Variants in B3GALT1 observed in about 807,000 individuals in gnomAD.
B3GALT1 encodes the protein beta-1,3-galactosyltransferase 1, also known as UDP-Gal:betaGlcNAc beta 1,3-galactosyltransferase, polypeptide 1.
Under a neutral mutation model 23.2 loss-of-function variants are expected in B3GALT1, and 10 were observed. The observed-to-expected ratio is 0.43, with a 90% CI of 0.27 to 0.73. The LOEUF is 0.73. B3GALT1 is among the 30% of genes least tolerant of loss of function. B3GALT1 has a pLI of 0.21. For synonymous variants in B3GALT1, 156 were observed against 141.5 expected, an observed-to-expected ratio of 1.10 and a Z score of -0.73; for missense variants, 299 against 405.4, an observed-to-expected ratio of 0.74 and a Z score of 2.25.
At chr2:167,762,762 G>A (rs904846648) in intron 3 of B3GALT1, among the ~76,000 whole-genome samples, 4 of 152,114 alleles carry the variant, frequency 2.6e-5, no homozygotes, top group African/African-American at 9.7e-5. Flanking sequence ...GGCTGGAGAG[G>A]AATTTGAATT....
chr2:167,507,161 A>T (rs1699931528), intron 2 of B3GALT1, among the ~76,000 whole-genome samples: 1 of 152,230 alleles, frequency 6.6e-6, no homozygotes, highest in Non-Finnish European at 1.5e-5. Context: ...GAACAGAAAG[A>T]TGAGTGGAAT....
intron 1 of B3GALT1, among the ~76,000 whole-genome samples, chr2:167,410,727 T>C (rs1698377767): frequency 6.6e-6 from 1 of 151,986 alleles, no homozygotes; most frequent in Non-Finnish European, 1.5e-5. Context: ...TCTGCACGTG[T>C]ATCCCAGAAC....
chr2:167,873,349 C>T lies in B3GALT1; in HGVS notation c.*3329C>T, dbSNP rs991861116. 3.3e-5 allele frequency: 5 copies of T among 151,968 alleles called. No homozygotes were observed. The highest frequency in any genetic ancestry group is 1.2e-4 in the African/African-American group (5 of 41,370). 9.4% of individuals were successfully genotyped at this position (151,968 alleles called of 1,614,324 possible). A position where few individuals can be genotyped will look rare whatever the true frequency, so the allele number is the denominator to read the frequency against. On this transcript the variant is annotated 3_prime_UTR_variant, in exon 5 of 5. Coordinates refer to ENST00000392690, the MANE Select transcript of B3GALT1 (RefSeq NM_020981.4). Reference sequence around the variant, plus strand: ...TATGTAATATTGTATTTTTAAATAACCAGAATCAACAAAGCGAAGATCACT... The same window carrying T: ...TATGTAATATTGTATTTTTAAATAATCAGAATCAACAAAGCGAAGATCACT...
At chr2:167,752,934 G>T (rs1309829602) in intron 3 of B3GALT1, among the ~76,000 whole-genome samples, 1 of 152,154 alleles carries the variant, frequency 6.6e-6, no homozygotes, top group Non-Finnish European at 1.5e-5. Context: ...CATTGTGCTT[G>T]GTTCCTTCAG....
At chr2:167,659,249 G>C (rs902638581) in intron 3 of B3GALT1, among the ~76,000 whole-genome samples, 2 of 149,372 alleles carry the variant, frequency 1.3e-5, no homozygotes, top group Non-Finnish European at 1.5e-5. Context: ...TTTTTTTTTG[G>C]TGGTGGGGAG....
chr2:167,556,362 A>T (rs1214642165), intron 2 of B3GALT1, among the ~76,000 whole-genome samples: 1 of 152,168 alleles, frequency 6.6e-6, no homozygotes, highest in Non-Finnish European at 1.5e-5. Context: ...TTAATGTAGA[A>T]AATCTCTACT....
intron 1 of B3GALT1, among the ~76,000 whole-genome samples, chr2:167,300,571 C>G (rs1696429447): frequency 6.6e-6 from 1 of 152,156 alleles, no homozygotes; most frequent in Admixed American, 6.5e-5. Flanking sequence ...GATTAACATG[C>G]AGACAAACAT....
intron 3 of B3GALT1, among the ~76,000 whole-genome samples, chr2:167,739,152 C>T (rs1464380811): frequency 1.3e-5 from 2 of 152,146 alleles, no homozygotes; most frequent in Non-Finnish European, 2.9e-5. Context: ...AATAAATTGG[C>T]TATCATTCTA....
chr2:167,802,241 A>G (rs1288707767), intron 3 of B3GALT1, among the ~76,000 whole-genome samples: 2 of 152,192 alleles, frequency 1.3e-5, no homozygotes, highest in Non-Finnish European at 2.9e-5. Flanking sequence ...TGTGGTGAAC[A>G]TGATTGTCAA....
At chr2:167,330,790 GCTC>G (rs1443728799) in intron 1 of B3GALT1, among the ~76,000 whole-genome samples, 1 of 151,982 alleles carries the variant, frequency 6.6e-6, no homozygotes, top group Non-Finnish European at 1.5e-5. Flanking sequence ...ATCTCATTGA[GCTC>G]CTTTAGATCA....
chr2:167,495,219 A>G (rs1021624190), intron 2 of B3GALT1, among the ~76,000 whole-genome samples: 2 of 152,130 alleles, frequency 1.3e-5, no homozygotes, highest in African/African-American at 4.8e-5. Flanking sequence ...ATCATCATTT[A>G]ACAACCTTCA....
At chr2:167,723,497 T>C (rs1687263885) in intron 3 of B3GALT1, among the ~76,000 whole-genome samples, 3 of 152,018 alleles carry the variant, frequency 2.0e-5, no homozygotes, top group Admixed American at 1.3e-4. Context: ...TTTGAACATA[T>C]TACCATTCTC....
At chr2:167,325,967 T>G (rs1316597976) in intron 1 of B3GALT1, among the ~76,000 whole-genome samples, 1 of 151,986 alleles carries the variant, frequency 6.6e-6, no homozygotes, top group East Asian at 1.9e-4. Context: ...CCACCCGCCT[T>G]GGCCTCCCAA....
intron 2 of B3GALT1, among the ~76,000 whole-genome samples, chr2:167,644,980 G>C (rs530309260): frequency 1.3e-5 from 2 of 152,106 alleles, no homozygotes; most frequent in South Asian, 4.2e-4. Context: ...ACTGGAAAAA[G>C]TCTGAAACTT....
At chr2:167,411,504 C>T (rs1698392333) in intron 1 of B3GALT1, among the ~76,000 whole-genome samples, 1 of 151,832 alleles carries the variant, frequency 6.6e-6, no homozygotes, top group Admixed American at 6.6e-5. Flanking sequence ...TGTTCAACAT[C>T]ATTAATCCTG....
intron 3 of B3GALT1, among the ~76,000 whole-genome samples, chr2:167,651,061 T>C (rs1263370626): frequency 6.6e-6 from 1 of 152,038 alleles, no homozygotes; most frequent in East Asian, 1.9e-4. Context: ...TTTTTTTCTA[T>C]AAAGATAAAT....
intron 2 of B3GALT1, among the ~76,000 whole-genome samples, chr2:167,624,955 G>C (rs1685315043): frequency 6.6e-6 from 1 of 151,906 alleles, no homozygotes; most frequent in African/African-American, 2.4e-5. Context: ...TTTTCTATCA[G>C]CCTAAAGTAT....
chr2:167,371,682 A>C (rs1574052712), intron 1 of B3GALT1, among the ~76,000 whole-genome samples: 1 of 152,102 alleles, frequency 6.6e-6, no homozygotes, highest in African/African-American at 2.4e-5. Flanking sequence ...GTAAATTTGG[A>C]AACTGAAAAG....
chr2:167,475,081 T>C (rs1699470161), intron 1 of B3GALT1, among the ~76,000 whole-genome samples: 1 of 152,218 alleles, frequency 6.6e-6, no homozygotes, highest in Non-Finnish European at 1.5e-5. Flanking sequence ...AATTTTGCTT[T>C]CTGCAATTTC....
Sources: gnomAD v4.1 joint callset for allele counts (sites outside exome capture counted in the v4.1 genomes callset) on GRCh38, gnomAD v4.1.1 for gene constraint, MANE v1.5 for transcripts, NCBI Gene and HGNC (gene_info 2026-07-23, HGNC 2026-07-21) for gene names.